Variants in SPPL2B observed in about 807,000 individuals in gnomAD.
The protein encoded by SPPL2B is signal peptide peptidase-like 2B.
A neutral mutation model predicts 59.7 loss-of-function variants in SPPL2B; 39 were observed. The observed-to-expected ratio is 0.65, with a 90% CI of 0.51 to 0.85. The LOEUF (loss-of-function observed/expected upper bound fraction) is 0.85, where lower values mean the gene tolerates loss of function less well. Among genes scored for constraint, SPPL2B ranks in the 40% least tolerant of loss-of-function variants. The pLI, the probability that SPPL2B is intolerant of heterozygous loss-of-function variation, is 0.00. For missense variants in SPPL2B, 865 were observed against 849.0 expected, an observed-to-expected ratio of 1.02 and a Z score of -0.23; for synonymous variants, 419 against 370.8, an observed-to-expected ratio of 1.13 and a Z score of -1.49.
chr19:2,331,350 A>G (rs988934528), intron 1 of SPPL2B, among the ~76,000 whole-genome samples: 1 of 152,164 alleles, frequency 6.6e-6, no homozygotes, highest in Non-Finnish European at 1.5e-5. Flanking sequence ...TTTGTGCTGC[A>G]ATTGTGAAGG....
intron 13 of SPPL2B, among the ~76,000 whole-genome samples, chr19:2,350,467 A>G (rs2145207218): frequency 6.8e-6 from 1 of 147,578 alleles, no homozygotes; most frequent in Admixed American, 6.7e-5. Context: ...CTCTCTCTCC[A>G]CACACACTCA....
intron 12 of SPPL2B, 48 bp downstream of exon 12, chr19:2,344,700 C>T: frequency 1.6e-6 from 2 of 1,288,388 alleles, no homozygotes; most frequent in Admixed American, 3.7e-5. Flanking sequence ...GGGCAGGGCC[C>T]CGGGCGGCTG....
Position 2,328,724 on chromosome 19 carries a change from GGC to G in SPPL2B, c.17_18del (p.Ala6GlyfsTer20). 1 of 1,455,374 alleles carries G rather than the reference GGC, an allele frequency of 6.9e-7. No homozygotes were observed. Among genetic ancestry groups the G allele is most frequent in the Non-Finnish European group, 9.0e-7 (1 of 1,112,214 alleles). The allele number at this position is 1,455,374 out of a possible 1,614,324, so 90.2% of individuals were successfully genotyped here. A position where few individuals can be genotyped will look rare whatever the true frequency, so the allele number is the denominator to read the frequency against. The part of the protein sequence containing the change: MAAAV[A>X]AALARLLAAF... ...CACCGGCCGACATGGCGGCAGCGGT[GGC>G]GGCTGCGCTGGCGCGGCTTTTGGCG... On this transcript the variant is annotated frameshift_variant, in exon 1 of 15. Coordinates refer to ENST00000613503, the MANE Select transcript of SPPL2B (RefSeq NM_152988.3). LOFTEE classifies it high-confidence loss of function.
At chr19:2,331,093 C>T (rs1968263983) in intron 1 of SPPL2B, among the ~76,000 whole-genome samples, 1 of 152,184 alleles carries the variant, frequency 6.6e-6, no homozygotes, top group Admixed American at 6.5e-5. Context: ...AGTCGACCTC[C>T]CCAGTGAGAC....
At chr19:2,341,594 C>T (rs780413237) in intron 8 of SPPL2B, 3 of 456,258 alleles carry the variant, frequency 6.6e-6, no homozygotes, top group Admixed American at 2.3e-5. Context: ...CGCCCGGTCC[C>T]CACCGCTGTC....
intron 13 of SPPL2B, among the ~76,000 whole-genome samples, chr19:2,349,797 C>G (rs1412232544): frequency 8.8e-6 from 1 of 113,546 alleles, no homozygotes. Flanking sequence ...CACACACACT[C>G]ACGCGCTCTC....
At chr19:2,352,487 T>C (rs1483955815) in intron 14 of SPPL2B, among the ~76,000 whole-genome samples, 1 of 152,148 alleles carries the variant, frequency 6.6e-6, no homozygotes, top group African/African-American at 2.4e-5. Context: ...GTGTGATGCA[T>C]TGGGTCGAGC....
rs768316022 is a variant in SPPL2B at position 2,337,447 on chromosome 19, TCCTGCA to T, written c.192_197del (p.Phe64_Gln66delinsLeu). On this transcript the variant is annotated inframe_deletion, in exon 3 of 15. Coordinates refer to ENST00000613503, the MANE Select transcript of SPPL2B (RefSeq NM_152988.3). The stretch of plus-strand genomic sequence containing the variant: ...ACTGTGCCCTGGCCTTTCCAGTCTT[TCCTGCA>T]GCTGCGCAACTGGACGGCCTCCCTG... 1.9e-6 allele frequency: 3 copies of T among 1,599,730 alleles called. No individual in the cohort carries two copies. The African/African-American group carries it at 4.0e-5, about 21-fold the overall frequency.
intron 8 of SPPL2B, chr19:2,341,426 C>G (rs906340736): frequency 2.2e-6 from 1 of 458,222 alleles, no homozygotes; most frequent in Non-Finnish European, 4.4e-6. Context: ...GTCATGACTG[C>G]TGCGGCTTCT....
chr19:2,329,598 C>G (rs1429591574), intron 1 of SPPL2B, among the ~76,000 whole-genome samples: 1 of 152,166 alleles, frequency 6.6e-6, no homozygotes, highest in Non-Finnish European at 1.5e-5. Flanking sequence ...CAAATGCAGC[C>G]CTTAACCTTC....
At chr19:2,328,840 C>A in intron 1 of SPPL2B, 65 bp downstream of exon 1, 2 of 1,287,662 alleles carry the variant, frequency 1.6e-6, no homozygotes, top group Non-Finnish European at 9.9e-7. Flanking sequence ...TGTCCCCGGG[C>A]TACGCGCAGG....
chr19:2,335,686 G>T (rs1002540152), intron 2 of SPPL2B, among the ~76,000 whole-genome samples: 2 of 143,612 alleles, frequency 1.4e-5, no homozygotes, highest in African/African-American at 5.2e-5. Flanking sequence ...CTTTCCCACC[G>T]TATCCCTCAG....
chr19:2,330,474 T>G (rs1599189374), intron 1 of SPPL2B: 2 of 150,864 alleles, frequency 1.3e-5, no homozygotes, highest in African/African-American at 2.4e-5. Flanking sequence ...AGGGGAAGGG[T>G]GTTGGAAGCA....
intron 13 of SPPL2B, 100 bp from the exon 14 acceptor site, chr19:2,351,334 C>A: frequency 1.0e-6 from 1 of 969,854 alleles, no homozygotes. Flanking sequence ...CTCGCACACC[C>A]CTGCCCTCCA....
intron 2 of SPPL2B, among the ~76,000 whole-genome samples, chr19:2,336,271 TGA>T (rs1283889206): frequency 1.1e-4 from 10 of 93,796 alleles, no homozygotes; most frequent in African/African-American, 2.5e-4. Flanking sequence ...TATGGATGTG[TGA>T]GTGCATGTGT....
At position 2,332,443 on chromosome 19, in the gene SPPL2B, C is replaced by T. The variant is rs1278435171; in HGVS notation, c.67-2159C>T. ...TCCTAGCTTGGCAGAGCTGCGTCTG[C>T]ACTGTTTTCCCTTGTGGCGTTGTGG... On this transcript the variant is annotated intron_variant, in intron 1 of 14. Transcript: ENST00000613503. The surrounding 1 kb of genome is among the most constrained non-coding windows in gnomAD (Gnocchi z 4.6). Among the ~76,000 whole-genome samples, 1 of 152,246 alleles carries T rather than the reference C, an allele frequency of 6.6e-6. No individual in the cohort carries two copies. Among genetic ancestry groups the T allele is most frequent in the Non-Finnish European group, 1.5e-5 (1 of 68,044 alleles).
At chr19:2,337,661 C>T in intron 3 of SPPL2B, 36 bp downstream of exon 3, 1 of 1,507,946 alleles carries the variant, frequency 6.6e-7, no homozygotes, top group Non-Finnish European at 8.8e-7. Flanking sequence ...GGCCAGCTCT[C>T]AGGGGCAGGA....
chr19:2,344,230 GCCCCATCACC>G (rs1969233000), intron 10 of SPPL2B, 122 bp from the exon 11 acceptor site: 3 of 429,836 alleles, frequency 7.0e-6, no homozygotes, highest in Non-Finnish European at 1.2e-5. Context: ...CTGCTCCCCT[GCCCCATCACC>G]CCCCATCACC....
intron 1 of SPPL2B, among the ~76,000 whole-genome samples, chr19:2,331,117 C>A (rs1342903483): frequency 6.6e-6 from 1 of 152,154 alleles, no homozygotes; most frequent in African/African-American, 2.4e-5. Flanking sequence ...TCCCTTCCCC[C>A]ACCCCACGGA....
Sources: allele counts gnomAD v4.1 joint callset (sites outside exome capture counted in the v4.1 genomes callset), GRCh38; gene constraint gnomAD v4.1.1; non-coding constraint Gnocchi (gnomAD v3.1); transcripts MANE v1.5; gene names NCBI Gene and HGNC (gene_info 2026-07-23, HGNC 2026-07-21).